The following SND1 variants were observed in gnomAD, a reference collection of about 807,000 sequenced individuals.
The protein encoded by SND1 is staphylococcal nuclease and tudor domain containing 1.
In SND1, 38 loss-of-function variants were observed where a neutral mutation model predicts 121.7. The observed-to-expected ratio is 0.31, with a 90% CI of 0.24 to 0.41. SND1 has a LOEUF of 0.41. Ranked by LOEUF, SND1 falls within the 10% of genes least tolerant of loss-of-function variation. The pLI, the probability that SND1 is intolerant of heterozygous loss-of-function variation, is 1.00. For missense variants in SND1, 868 were observed against 1,184.6 expected (o/e 0.73, Z 3.92); for synonymous variants, 401 against 447.4 (o/e 0.90, Z 1.31).
chr7:127,668,781 C>T (rs1795463140), intron 1 of SND1, among the ~76,000 whole-genome samples: 3 of 152,206 alleles, frequency 2.0e-5, no homozygotes, highest in Admixed American at 6.5e-5. Flanking sequence ...TGGGGCCTTC[C>T]ACTCCCTCGG....
At chr7:127,741,668 C>T (rs1400969196) in intron 10 of SND1, among the ~76,000 whole-genome samples, 2 of 152,246 alleles carry the variant, frequency 1.3e-5, no homozygotes, top group South Asian at 4.1e-4. Flanking sequence ...CTGTTATGGC[C>T]CTTAGGAGAC....
At chr7:128,081,249 GC>G (rs1187641679) in intron 17 of SND1, 110 bp from the exon 18 acceptor site, 1 of 1,341,664 alleles carries the variant, frequency 7.5e-7, no homozygotes, top group African/African-American at 1.5e-5. Context: ...ACCCGCCTCG[GC>G]CTCCCAAAGT....
chr7:127,968,666 C>T (rs1415253233), intron 15 of SND1, among the ~76,000 whole-genome samples: 1 of 152,222 alleles, frequency 6.6e-6, no homozygotes, highest in Non-Finnish European at 1.5e-5. Flanking sequence ...TATAACAGAA[C>T]TTGTTGGAGG....
intron 1 of SND1, among the ~76,000 whole-genome samples, chr7:127,680,691 T>C (rs1365506092): frequency 6.6e-6 from 1 of 151,400 alleles, no homozygotes; most frequent in African/African-American, 2.4e-5. Flanking sequence ...TTCATATTGT[T>C]CAAACACACA....
chr7:128,022,630 A>G (rs1803383236), intron 16 of SND1, among the ~76,000 whole-genome samples: 1 of 151,648 alleles, frequency 6.6e-6, no homozygotes, highest in Non-Finnish European at 1.5e-5. Context: ...TTTATATAAC[A>G]CTCTTCCTCT....
intron 16 of SND1, among the ~76,000 whole-genome samples, chr7:128,024,518 C>A (rs1333492399): frequency 6.6e-6 from 1 of 152,232 alleles, no homozygotes; most frequent in Non-Finnish European, 1.5e-5. Context: ...CTCTCCCAGT[C>A]TCTACCCATT....
intron 1 of SND1, among the ~76,000 whole-genome samples, chr7:127,666,627 C>T (rs561247127): frequency 2.4e-4 from 37 of 151,742 alleles, no homozygotes; most frequent in African/African-American, 3.4e-4. Flanking sequence ...CACAGAGCTG[C>T]GCTTTAGTGA....
chr7:127,908,586 T>C (rs1800394981), intron 14 of SND1, among the ~76,000 whole-genome samples: 1 of 152,150 alleles, frequency 6.6e-6, no homozygotes, highest in Non-Finnish European at 1.5e-5. Flanking sequence ...TTCCAGAGTG[T>C]GTAGAACCAG....
In SND1 at chr7:127,799,109, T is replaced by C. The variant is rs116222150; in HGVS notation, c.1153-8375T>C. ...AGACCTACTGAGTCAGATTATCTGG[T>C]GTGGGCTTGGTAGTCTGCATGGTTA... On this transcript the variant is annotated intron_variant, in intron 10 of 23. Coordinates refer to ENST00000354725, the MANE Select transcript of SND1 (RefSeq NM_014390.4). 4.4e-3 allele frequency among the ~76,000 whole-genome samples: 664 copies of C among 152,212 alleles called. 7 individuals carry two copies. The highest frequency in any genetic ancestry group is 0.015 in the African/African-American group (638 of 41,502).
At chr7:127,728,190 T>C (rs960285167) in intron 10 of SND1, among the ~76,000 whole-genome samples, 1 of 152,200 alleles carries the variant, frequency 6.6e-6, no homozygotes, top group African/African-American at 2.4e-5. Flanking sequence ...CCTTTAGTTA[T>C]ATATTCCCTT....
intron 9 of SND1, among the ~76,000 whole-genome samples, chr7:127,715,479 C>T (rs1043480985): frequency 6.6e-6 from 1 of 152,108 alleles, no homozygotes; most frequent in Non-Finnish European, 1.5e-5. Flanking sequence ...CCTTACTCTC[C>T]CCCAGCTCTA....
At chr7:127,952,525 A>G (rs906470688) in intron 15 of SND1, among the ~76,000 whole-genome samples, 2 of 150,732 alleles carry the variant, frequency 1.3e-5, no homozygotes, top group African/African-American at 5.0e-5. Flanking sequence ...AGGAACTCTG[A>G]GCTTTCTTGT....
intron 22 of SND1, among the ~76,000 whole-genome samples, chr7:128,090,965 G>A (rs1793769709): frequency 6.6e-6 from 1 of 152,128 alleles, no homozygotes; most frequent in Admixed American, 6.5e-5. Flanking sequence ...TTCTGCCGCA[G>A]TCCCTGAGAT....
intron 16 of SND1, among the ~76,000 whole-genome samples, chr7:128,000,974 C>T (rs1047528278): frequency 1.3e-5 from 2 of 152,134 alleles, no homozygotes; most frequent in Non-Finnish European, 2.9e-5. Context: ...TGACCTTTAC[C>T]CTGCCCTGTT....
intron 15 of SND1, among the ~76,000 whole-genome samples, chr7:127,973,706 A>G (rs189842877): frequency 3.5e-4 from 53 of 152,292 alleles, no homozygotes; most frequent in African/African-American, 1.2e-3. Flanking sequence ...TGTCATATCT[A>G]TGTGTGTGCC....
At chr7:127,861,748 G>A (rs1328153102) in intron 12 of SND1, among the ~76,000 whole-genome samples, 1 of 152,206 alleles carries the variant, frequency 6.6e-6, no homozygotes, top group East Asian at 1.9e-4. Context: ...TGGGATTACA[G>A]GCGTGAGCCA....
chr7:127,727,267 A>G (rs1796598433), intron 10 of SND1, among the ~76,000 whole-genome samples: 1 of 152,136 alleles, frequency 6.6e-6, no homozygotes, highest in African/African-American at 2.4e-5. Flanking sequence ...GGTGGGAGAG[A>G]GGAGCTGAGA....
At chr7:127,781,724 T>C (rs1309598198) in intron 10 of SND1, among the ~76,000 whole-genome samples, 1 of 152,230 alleles carries the variant, frequency 6.6e-6, no homozygotes, top group Non-Finnish European at 1.5e-5. Flanking sequence ...ATATATTTGA[T>C]AGAGCTTTTC....
intron 16 of SND1, among the ~76,000 whole-genome samples, chr7:128,037,101 G>T (rs1324779863): frequency 6.6e-6 from 1 of 152,152 alleles, no homozygotes; most frequent in African/African-American, 2.4e-5. Context: ...GTTTCTTGAG[G>T]CTGCCATAAC....
Sources: gnomAD v4.1 joint callset for allele counts (sites outside exome capture counted in the v4.1 genomes callset) on GRCh38, gnomAD v4.1.1 for gene constraint, MANE v1.5 for transcripts, NCBI Gene and HGNC (gene_info 2026-07-23, HGNC 2026-07-21) for gene names.